The following PPP2R1A variants were observed in gnomAD, a reference collection of about 807,000 sequenced individuals.
PPP2R1A encodes the protein serine/threonine-protein phosphatase 2A 65 kDa regulatory subunit A alpha isoform.
Under a neutral mutation model 67.1 loss-of-function variants are expected in PPP2R1A, and 15 were observed. The ratio of observed to expected loss-of-function variants is 0.22; its 90% CI spans 0.15 to 0.34. The LOEUF is 0.34. PPP2R1A is among the 10% of genes least tolerant of loss of function. The probability of loss-of-function intolerance (pLI) is 1.00; values close to 1 mark genes in which losing one functional copy is unlikely to be tolerated. For synonymous variants in PPP2R1A, 337 were observed against 325.0 expected (o/e 1.04, Z -0.40); for missense variants, 369 against 775.0 (o/e 0.48, Z 6.22).
In PPP2R1A at chr19:52,190,401, G is replaced by C. The variant is rs777986223; in HGVS notation, c.78+227G>C. The C allele has an allele frequency of 1.7e-5, 10 of 595,250 alleles. No homozygotes were observed. In the East Asian group the frequency reaches 3.0e-4, roughly 18 times the overall value. The allele number at this position is 595,250 out of a possible 1,614,324, so 36.9% of individuals were successfully genotyped here. On this transcript the variant is annotated intron_variant, in intron 1 of 14. Coordinates refer to ENST00000322088, the MANE Select transcript of PPP2R1A (RefSeq NM_014225.6). ...CCAGCGCTAGCCTCGAGGGTCCCGG[G>C]CCTGCCCTGTGCGCGCGGCGGTCCG...
intron 2 of PPP2R1A, among the ~76,000 whole-genome samples, chr19:52,203,057 C>CT (rs1227600318): frequency 6.6e-6 from 1 of 152,210 alleles, no homozygotes; most frequent in Non-Finnish European, 1.5e-5. Flanking sequence ...GAAATCACAG[C>CT]TGAAGGTTCA....
In PPP2R1A at chr19:52,202,008, G is replaced by A. The variant is rs770424653; in HGVS notation, c.143G>A (p.Arg48Gln). The stretch of plus-strand genomic sequence containing the variant: ...TTGGCCCTTGGGGTTGAAAGGACCC[G>A]AAGTGAGCTTCTGCCTTTCCTTACA... ...IALALGVERT[R>Q]SELLPFLTDT... The change falls in exon 2 of 15, where the codon CGA becomes CAA. Residue 48 changes from arginine to glutamine, a missense_variant. Physicochemically the swap from Arg to Gln is conservative, Grantham distance 43. Around this residue, in one of 2 missense-constraint regions of PPP2R1A, gnomAD observed 93 missense variants for 266.5 expected, o/e 0.35. Transcript: ENST00000322088. The A allele has an allele frequency of 2.5e-6, 4 of 1,614,058 alleles. No individual in the cohort carries two copies. The highest frequency in any genetic ancestry group is 1.3e-5 in the African/African-American group (1 of 74,932).
intron 1 of PPP2R1A, among the ~76,000 whole-genome samples, chr19:52,193,991 T>C (rs968968650): frequency 1.4e-5 from 2 of 146,476 alleles, no homozygotes; most frequent in Non-Finnish European, 3.0e-5. Flanking sequence ...ACACAGGCCT[T>C]GGTCCCAGCT....
chr19:52,223,142 T>G, intron 13 of PPP2R1A, among the ~76,000 whole-genome samples: 1 of 152,218 alleles, frequency 6.6e-6, no homozygotes, highest in Non-Finnish European at 1.5e-5. Flanking sequence ...TGTTTAACAG[T>G]AGGCATCTCT....
At chr19:52,196,360 A>C (rs1466305991) in intron 1 of PPP2R1A, among the ~76,000 whole-genome samples, 1 of 152,204 alleles carries the variant, frequency 6.6e-6, no homozygotes, top group African/African-American at 2.4e-5. Flanking sequence ...AAGCTATCAC[A>C]GAATTGGGTC....
intron 13 of PPP2R1A, among the ~76,000 whole-genome samples, chr19:52,223,617 A>T (rs781776492): frequency 6.6e-6 from 1 of 152,250 alleles, no homozygotes; most frequent in Non-Finnish European, 1.5e-5. Context: ...AAGGGTGTTC[A>T]GCATCATTAG....
intron 14 of PPP2R1A, 69 bp downstream of exon 14, chr19:52,225,877 C>T: frequency 6.2e-7 from 1 of 1,612,474 alleles, no homozygotes; most frequent in Non-Finnish European, 8.5e-7. Context: ...GGCCTGTGGG[C>T]AGCAGCTTCT....
At chr19:52,205,506 G>A (rs2089593043) in intron 2 of PPP2R1A, among the ~76,000 whole-genome samples, 1 of 152,136 alleles carries the variant, frequency 6.6e-6, no homozygotes, top group Admixed American at 6.5e-5. Context: ...CTTCCAAGAA[G>A]GGGCGGCTAA....
intron 1 of PPP2R1A, among the ~76,000 whole-genome samples, chr19:52,192,255 T>TG (rs1171920307): frequency 6.7e-6 from 1 of 150,004 alleles, no homozygotes; most frequent in Non-Finnish European, 1.5e-5. Context: ...TGAAAGAAGG[T>TG]GGGGGAGAGC....
intron 3 of PPP2R1A, among the ~76,000 whole-genome samples, chr19:52,208,039 AG>A (rs923399539): frequency 1.2e-4 from 19 of 152,324 alleles, no homozygotes; most frequent in Non-Finnish European, 2.6e-4. Context: ...ACAAACATTG[AG>A]CAAGGTCTCT....
chr19:52,221,342 C>T (rs1200459216), intron 12 of PPP2R1A, among the ~76,000 whole-genome samples: 4 of 152,084 alleles, frequency 2.6e-5, no homozygotes, highest in Non-Finnish European at 5.9e-5. Context: ...GGACTGGGGA[C>T]TTGGATGGTG....
intron 3 of PPP2R1A, among the ~76,000 whole-genome samples, chr19:52,206,966 C>G (rs988522291): frequency 1.3e-5 from 2 of 152,008 alleles, no homozygotes; most frequent in African/African-American, 2.4e-5. Context: ...TCTCCTAGCT[C>G]TAGTGGTGTA....
chr19:52,194,068 C>T (rs928819560), intron 1 of PPP2R1A, among the ~76,000 whole-genome samples: 3 of 118,968 alleles, frequency 2.5e-5, no homozygotes, highest in African/African-American at 6.6e-5. Flanking sequence ...AGAGCCTGGG[C>T]GACAGCAAGA....
chr19:52,217,825 G>T (rs900418188), intron 9 of PPP2R1A, among the ~76,000 whole-genome samples: 1 of 152,108 alleles, frequency 6.6e-6, no homozygotes, highest in African/African-American at 2.4e-5. Flanking sequence ...GCGGTGCTGG[G>T]TGATGACTGG....
intron 3 of PPP2R1A, among the ~76,000 whole-genome samples, chr19:52,207,129 C>T (rs536268053): frequency 6.2e-4 from 95 of 152,200 alleles, no homozygotes; most frequent in Non-Finnish European, 1.2e-3. Flanking sequence ...ATAATTTGTG[C>T]GTATGGACAC....
Position 52,200,999 on chromosome 19 carries a change from G to A in PPP2R1A, c.79-945G>A, listed in dbSNP as rs549693532. 2.0e-5 allele frequency: 3 copies of A among 150,342 alleles called. No individual in the cohort carries two copies. The South Asian group carries it at 6.3e-4, about 32-fold the overall frequency. 9.3% of individuals were successfully genotyped at this position (150,342 alleles called of 1,614,324 possible). On this transcript the variant is annotated intron_variant, in intron 1 of 14. Coordinates refer to ENST00000322088, the MANE Select transcript of PPP2R1A (RefSeq NM_014225.6). ...ATATTATCTGGACACACTTAACTAC[G>A]TCTGCAAAGACTGTTTTGATGTGCA...
intron 1 of PPP2R1A, among the ~76,000 whole-genome samples, chr19:52,196,499 CAG>C (rs1418287894): frequency 6.6e-6 from 1 of 152,166 alleles, no homozygotes; most frequent in Non-Finnish European, 1.5e-5. Context: ...GCTTAGGACA[CAG>C]AGGTTCTTTC....
At chr19:52,204,521 A>G (rs746125044) in intron 2 of PPP2R1A, among the ~76,000 whole-genome samples, 20 of 152,262 alleles carry the variant, frequency 1.3e-4, no homozygotes, top group Middle Eastern at 3.4e-3. Context: ...TTCTCTGTGG[A>G]TTGGTGGAAA....
At chr19:52,222,021 G>T (rs1223510581) in intron 12 of PPP2R1A, 78 bp from the exon 13 acceptor site, 2 of 1,419,490 alleles carry the variant, frequency 1.4e-6, no homozygotes, top group East Asian at 2.5e-5. Context: ...TCACCAGAGT[G>T]GCCTGGTCAG....
Sources: allele counts gnomAD v4.1 joint callset (sites outside exome capture counted in the v4.1 genomes callset), GRCh38; gene constraint gnomAD v4.1.1; regional missense constraint gnomAD v4.1.1; transcripts MANE v1.5; gene names NCBI Gene and HGNC (gene_info 2026-07-23, HGNC 2026-07-21).